The following TRPM3 variants were observed in gnomAD, a reference collection of about 807,000 sequenced individuals.
TRPM3 encodes the protein transient receptor potential cation channel subfamily M member 3.
TRPM3 carries 77 observed loss-of-function variants against 181.2 expected under a neutral mutation model. The ratio of observed to expected loss-of-function variants is 0.42; its 90% CI spans 0.35 to 0.51. The LOEUF (loss-of-function observed/expected upper bound fraction) is 0.51, where lower values mean the gene tolerates loss of function less well. Among genes scored for constraint, TRPM3 ranks in the 20% least tolerant of loss-of-function variants. The pLI is 0.01. For missense variants in TRPM3, 1,759 were observed against 2,196.7 expected, an observed-to-expected ratio of 0.80 and a Z score of 3.98; for synonymous variants, 745 against 796.4, an observed-to-expected ratio of 0.94 and a Z score of 1.09.
intron 1 of TRPM3, among the ~76,000 whole-genome samples, chr9:71,283,925 C>A (rs182351529): frequency 6.6e-6 from 1 of 152,174 alleles, no homozygotes; most frequent in African/African-American, 2.4e-5. Context: ...CCTTTTTAAA[C>A]GCATTAATCT....
chr9:70,814,674 T>C (rs1479046900), intron 6 of TRPM3, among the ~76,000 whole-genome samples: 1 of 152,126 alleles, frequency 6.6e-6, no homozygotes, highest in East Asian at 1.9e-4. Flanking sequence ...CTCTTTCCTT[T>C]TGTTTTAAAA....
chr9:70,919,329 A>G (rs2096631715), intron 1 of TRPM3, among the ~76,000 whole-genome samples: 1 of 152,180 alleles, frequency 6.6e-6, no homozygotes, highest in South Asian at 2.1e-4. Context: ...GCCTTGTCCT[A>G]GAAATGTGCC....
intron 5 of TRPM3, among the ~76,000 whole-genome samples, chr9:70,831,962 AATATATATAT>A (rs71367232): frequency 0.082 from 5,252 of 64,172 alleles, 303 homozygotes; most frequent in African/African-American, 0.21. Context: ...GTACCCCATA[AATATATATAT>A]ATATATATAT....
chr9:71,315,793 T>C (rs1489614219), intron 1 of TRPM3, among the ~76,000 whole-genome samples: 4 of 152,170 alleles, frequency 2.6e-5, no homozygotes, highest in Non-Finnish European at 4.4e-5. Flanking sequence ...AACTGGGACT[T>C]TTTATTTTGC....
chr9:71,122,288 T>C (rs2073734995), upstream of TRPM3, among the ~76,000 whole-genome samples: 1 of 152,242 alleles, frequency 6.6e-6, no homozygotes, highest in African/African-American at 2.4e-5. Context: ...AGTTGGAATG[T>C]ATAGTCTTTA....
At chr9:70,624,334 C>T (rs77765421) in intron 14 of TRPM3, among the ~76,000 whole-genome samples, 29,601 of 152,010 alleles carry the variant, frequency 0.19, 3,281 homozygotes, top group South Asian at 0.27. Flanking sequence ...GTTCAGGTTG[C>T]AGGGCAGGGG....
rs528114502 is a variant in TRPM3, at chr9:70,873,767, T to A, written c.178-9256A>T. On this transcript the variant is annotated intron_variant, in intron 1 of 25. Transcript: ENST00000677713. ...AAGAGTCACACGATATAATACTTAT[T>A]TTCTTTCCAACATGTATAATCATCT... 2.0e-5 allele frequency among the ~76,000 whole-genome samples: 3 copies of A among 152,094 alleles called. No individual in the cohort carries two copies. The South Asian group carries it at 6.2e-4, about 32-fold the overall frequency.
At position 70,603,465 on chromosome 9, in the gene TRPM3, C is replaced by A. The variant is rs35390807; in HGVS notation, c.2673G>T (p.Ala891=). The A allele has an allele frequency of 3.1e-6, 5 of 1,613,812 alleles. No individual in the cohort carries two copies. Among genetic ancestry groups the A allele is most frequent in the Non-Finnish European group, 4.2e-6 (5 of 1,179,964 alleles). Residue 891 remains alanine, a synonymous_variant, in exon 20 of 26, where the codon GCG becomes GCT. Transcript: ENST00000677713. ...PIVKFWFYTL[A]YIGYLMLFNY... is the part of the protein sequence containing the mutation. ...TGAAGAGCATCAGGTATCCGATATA[C>A]GCCAGCTGTAAGGAGACACAATACA... is the stretch of plus-strand genomic sequence containing the variant.
chr9:71,096,069 T>C (rs2067137298), intron 1 of TRPM3, among the ~76,000 whole-genome samples: 1 of 152,102 alleles, frequency 6.6e-6, no homozygotes, highest in Non-Finnish European at 1.5e-5. Flanking sequence ...ATAAGATATT[T>C]TCCAAAATTA....
chr9:70,678,008 G>A (rs992759659), intron 9 of TRPM3, among the ~76,000 whole-genome samples: 2 of 150,418 alleles, frequency 1.3e-5, no homozygotes, highest in Non-Finnish European at 2.9e-5. Flanking sequence ...ACATACTTAT[G>A]TTCAAAAATT....
In TRPM3 at chr9:70,625,638, A is replaced by T; in HGVS notation, c.1633-121T>A. 9.9e-7 allele frequency: 1 copy of T among 1,007,002 alleles called. No homozygotes were observed. Among genetic ancestry groups the T allele is most frequent in the African/African-American group, 1.6e-5 (1 of 61,128 alleles). 62.4% of individuals were successfully genotyped at this position (1,007,002 alleles called of 1,614,324 possible). On this transcript the variant is annotated intron_variant, in intron 12 of 25. Coordinates refer to ENST00000677713, the MANE Select transcript of TRPM3 (RefSeq NM_001366145.2). This position sits in a 1 kb window ranked among gnomAD's most constrained non-coding sequence, Gnocchi z 4.8. ...AAAAACACCAGTGTAGAAGAAAGAA[A>T]CACAAGGCTAGACAGGGCAAATGCT...
intron 1 of TRPM3, among the ~76,000 whole-genome samples, chr9:71,421,666 C>T (rs1384378545): frequency 6.6e-6 from 1 of 151,962 alleles, no homozygotes; most frequent in Non-Finnish European, 1.5e-5. Context: ...CTCACATAAA[C>T]CTAGCTGGGA....
In TRPM3 at chr9:71,057,525, C is replaced by A. The variant is rs116317548; in HGVS notation, c.177+63653G>T. On this transcript the variant is annotated intron_variant, in intron 1 of 25. Transcript: ENST00000677713. ...GGTGTGCCATTGTGTTCTAAGAGAT[C>A]TAAAGTACTAAAAGCAATGATTGCT... Among the ~76,000 whole-genome samples the A allele has an allele frequency of 8.3e-3, 1,259 of 152,132 alleles. 13 individuals carry two copies. The highest frequency in any genetic ancestry group is 0.029 in the African/African-American group (1,186 of 41,530).
At chr9:71,117,730 A>G (rs2072731452) in intron 1 of TRPM3, among the ~76,000 whole-genome samples, 1 of 152,170 alleles carries the variant, frequency 6.6e-6, no homozygotes, top group Admixed American at 6.5e-5. Context: ...GCAAACTCAT[A>G]TGATTTCTCA....
At chr9:70,596,063 AT>A (rs766881315) in intron 21 of TRPM3, among the ~76,000 whole-genome samples, 3 of 152,202 alleles carry the variant, frequency 2.0e-5, no homozygotes, top group African/African-American at 4.8e-5. Context: ...AAAAAATGCA[AT>A]TTGAACATAA....
At chr9:71,173,165 T>C (rs1187782914) in intron 1 of TRPM3, among the ~76,000 whole-genome samples, 1 of 152,174 alleles carries the variant, frequency 6.6e-6, no homozygotes, top group African/African-American at 2.4e-5. Flanking sequence ...ATAACTGCAT[T>C]TTCCACAATG....
intron 1 of TRPM3, among the ~76,000 whole-genome samples, chr9:70,933,174 C>T (rs1003375823): frequency 2.6e-5 from 4 of 152,034 alleles, no homozygotes; most frequent in African/African-American, 9.7e-5. Flanking sequence ...GTTTGTGGTT[C>T]CTCTGAGATA....
chr9:71,157,458 T>A (rs1411298464), intron 1 of TRPM3, among the ~76,000 whole-genome samples: 1 of 152,138 alleles, frequency 6.6e-6, no homozygotes, highest in African/African-American at 2.4e-5. Context: ...CACCTGAACA[T>A]ACAGGTAGTA....
At chr9:70,890,749 T>C (rs1426669137) in intron 1 of TRPM3, among the ~76,000 whole-genome samples, 2 of 152,204 alleles carry the variant, frequency 1.3e-5, no homozygotes, top group Admixed American at 1.3e-4. Context: ...CAACATTTCA[T>C]GGGATGCTAT....
Sources: allele counts gnomAD v4.1 joint callset (sites outside exome capture counted in the v4.1 genomes callset), GRCh38; gene constraint gnomAD v4.1.1; non-coding constraint Gnocchi (gnomAD v3.1); transcripts MANE v1.5; gene names NCBI Gene and HGNC (gene_info 2026-07-23, HGNC 2026-07-21).